Variants in SLIT3 observed in about 807,000 individuals in gnomAD.
SLIT3 encodes slit homolog 3 protein.
SLIT3 carries 68 observed loss-of-function variants against 184.0 expected under a neutral mutation model. That is an observed-to-expected ratio of 0.37 (90% CI 0.30 to 0.45). SLIT3 has a LOEUF of 0.45. SLIT3 is among the 20% of genes least tolerant of loss of function. The pLI is 1.00. For missense variants in SLIT3, 1,707 were observed against 2,026.0 expected, an observed-to-expected ratio of 0.84 and a Z score of 3.02; for synonymous variants, 831 against 828.6, an observed-to-expected ratio of 1.00 and a Z score of -0.05.
intron 5 of SLIT3, among the ~76,000 whole-genome samples, chr5:168,873,875 T>C (rs1001161525): frequency 2.0e-5 from 3 of 151,984 alleles, no homozygotes; most frequent in Non-Finnish European, 4.4e-5. Flanking sequence ...CCCAATAAGA[T>C]AAAGAATCAG....
intron 6 of SLIT3, among the ~76,000 whole-genome samples, chr5:168,833,775 G>A (rs901250301): frequency 2.6e-5 from 4 of 152,168 alleles, no homozygotes; most frequent in Non-Finnish European, 4.4e-5. Flanking sequence ...GTTCTTCCAC[G>A]AATTTTTCCT....
intron 6 of SLIT3, among the ~76,000 whole-genome samples, chr5:168,826,850 C>T (rs1757722528): frequency 6.6e-6 from 1 of 150,468 alleles, no homozygotes. Flanking sequence ...CAACTTCTGC[C>T]TCCTGGGTTC....
At chr5:168,896,789 C>T (rs970381053) in intron 4 of SLIT3, among the ~76,000 whole-genome samples, 4 of 152,194 alleles carry the variant, frequency 2.6e-5, no homozygotes, top group South Asian at 2.1e-4. Context: ...GCCTGAAGGG[C>T]GTCGGTGGGA....
At chr5:169,068,278 C>T (rs375334645) in intron 4 of SLIT3, among the ~76,000 whole-genome samples, 6 of 152,086 alleles carry the variant, frequency 3.9e-5, no homozygotes, top group Non-Finnish European at 7.4e-5. Context: ...ACTTATATCT[C>T]GCCATTTTCC....
Position 168,753,916 on chromosome 5 carries a change from G to C in SLIT3, c.1777C>G (p.Leu593Val). 6.2e-7 allele frequency: 1 copy of C among 1,612,222 alleles called. No individual in the cohort carries two copies. The highest frequency in any genetic ancestry group is 8.5e-7 in the Non-Finnish European group (1 of 1,180,010). Residue 593 changes from leucine (L) to valine (V), a missense_variant, in exon 17 of 36, where the codon CTG becomes GTG. Coordinates refer to ENST00000519560, the MANE Select transcript of SLIT3 (RefSeq NM_003062.4). Reference sequence around the variant, plus strand: ...AACACGCGCCCGTGCACGGTCTCCAGCTGGTTCCCTGTCAGCATCAGCTCC... The same window carrying C: ...AACACGCGCCCGTGCACGGTCTCCACCTGGTTCCCTGTCAGCATCAGCTCC... ...VQELMLTGNQ[L>V]ETVHGRVFRG...
chr5:169,015,668 T>C (rs1384264316), intron 4 of SLIT3, among the ~76,000 whole-genome samples: 4 of 152,142 alleles, frequency 2.6e-5, no homozygotes, highest in Non-Finnish European at 4.4e-5. Context: ...TGGTGATTCA[T>C]GCTTATAATC....
chr5:168,827,321 T>C (rs1265853408), intron 6 of SLIT3, among the ~76,000 whole-genome samples: 1 of 152,248 alleles, frequency 6.6e-6, no homozygotes, highest in Non-Finnish European at 1.5e-5. Flanking sequence ...TGCGTTTCTT[T>C]CAGGGGAGAA....
intron 20 of SLIT3, among the ~76,000 whole-genome samples, chr5:168,746,466 GC>G (rs2113449170): frequency 4.3e-5 from 2 of 47,058 alleles, no homozygotes; most frequent in Admixed American, 2.5e-4. Flanking sequence ...GTGGTGGTGT[GC>G]GGTGGTGTGG....
intron 20 of SLIT3, among the ~76,000 whole-genome samples, chr5:168,746,915 TGTGG>T (rs1754482231): frequency 9.8e-6 from 1 of 102,030 alleles, no homozygotes. Flanking sequence ...AGTGTGGTGG[TGTGG>T]GTGTGGTGGT....
chr5:169,294,547 G>A (rs1767445797), intron 1 of SLIT3, among the ~76,000 whole-genome samples: 2 of 152,220 alleles, frequency 1.3e-5, no homozygotes, highest in Non-Finnish European at 2.9e-5. Flanking sequence ...GCTCTGGGTT[G>A]GAGCAAGTTT....
intron 4 of SLIT3, among the ~76,000 whole-genome samples, chr5:169,111,779 A>C (rs567938215): frequency 6.6e-6 from 1 of 152,246 alleles, no homozygotes; most frequent in African/African-American, 2.4e-5. Flanking sequence ...TAAATAAAAG[A>C]CTTTATTCAC....
intron 4 of SLIT3, among the ~76,000 whole-genome samples, chr5:168,901,133 C>G (rs1760853973): frequency 6.6e-6 from 1 of 152,178 alleles, no homozygotes; most frequent in Admixed American, 6.5e-5. Context: ...GAGGCCGAGG[C>G]AGGCGGATCA....
At position 169,014,732 on chromosome 5, in the gene SLIT3, T is replaced by C. The variant is rs539056165; in HGVS notation, c.414-131396A>G. 3.9e-5 allele frequency among the ~76,000 whole-genome samples: 6 copies of C among 152,240 alleles called. No individual in the cohort carries two copies. In the East Asian group the frequency reaches 1.2e-3, roughly 29 times the overall value. ...TTGGGAGGCCAAGGCAGGTGGATCA[T>C]CTGAGGTCAGGAGTTTGAGACCAGC... On this transcript the variant is annotated intron_variant, in intron 4 of 35. Transcript: ENST00000519560.
chr5:168,765,184 G>A (rs1456093174), intron 14 of SLIT3, among the ~76,000 whole-genome samples: 1 of 152,166 alleles, frequency 6.6e-6, no homozygotes, highest in African/African-American at 2.4e-5. Context: ...CTGTGGCTGG[G>A]GACAGCCGCC....
intron 1 of SLIT3, among the ~76,000 whole-genome samples, chr5:169,263,067 A>T (rs1323277030): frequency 6.6e-6 from 1 of 152,192 alleles, no homozygotes; most frequent in Admixed American, 6.5e-5. Flanking sequence ...AGGGCTGAGC[A>T]AAGTGGCTCA....
intron 3 of SLIT3, among the ~76,000 whole-genome samples, chr5:169,239,275 A>T (rs1765310838): frequency 6.6e-6 from 1 of 152,174 alleles, no homozygotes; most frequent in South Asian, 2.1e-4. Flanking sequence ...AAAAATATTC[A>T]TGAATCACAT....
rs371686737 is a variant in SLIT3 at position 168,710,938 on chromosome 5, G to C, written c.2676C>G (p.Asp892Glu). 63 of 1,563,388 alleles carry C rather than the reference G, an allele frequency of 4.0e-5. No individual in the cohort carries two copies. In the African/African-American group the frequency reaches 7.5e-4, roughly 19 times the overall value. The change falls in exon 25 of 36, where the codon GAC (aspartate) becomes GAG (glutamate). Residue 892 changes from aspartate (D) to glutamate (E), a missense_variant. Around this residue, in one of 3 missense-constraint regions of SLIT3, gnomAD observed 1,307 missense variants for 1,511.6 expected, o/e 0.86. Transcript: ENST00000519560. The stretch of plus-strand genomic sequence containing the variant: ...GGGTTGGGGTGGTGAGCAGGAGCCT[G>C]TCAGCCATGGGCTCAGGGCTACTGC... ...ARCSSPEPMA[D>E]RLLLTTPTHR... is the part of the protein sequence containing the mutation.
chr5:169,161,895 C>T lies in SLIT3; in HGVS notation c.413+31584G>A, dbSNP rs965005116. 6.6e-5 allele frequency among the ~76,000 whole-genome samples: 10 copies of T among 152,104 alleles called. No individual in the cohort carries two copies. The South Asian group carries it at 2.1e-3, about 32-fold the overall frequency. ...ATAGACCATCTCTGGGCTTCAGTAT[C>T]CTTCTCTGTACAAGGAAGAAAACAG... On this transcript the variant is annotated intron_variant, in intron 4 of 35. Coordinates refer to ENST00000519560, the MANE Select transcript of SLIT3 (RefSeq NM_003062.4).
chr5:169,090,937 C>T (rs1759561084), intron 4 of SLIT3, among the ~76,000 whole-genome samples: 1 of 152,212 alleles, frequency 6.6e-6, no homozygotes, highest in Non-Finnish European at 1.5e-5. Context: ...GTATTGTGCT[C>T]CTCCATCGTA....
Sources: allele counts gnomAD v4.1 joint callset (sites outside exome capture counted in the v4.1 genomes callset), GRCh38; gene constraint gnomAD v4.1.1; regional missense constraint gnomAD v4.1.1; transcripts MANE v1.5; gene names NCBI Gene and HGNC (gene_info 2026-07-23, HGNC 2026-07-21).